Variants in XRCC5 observed in about 807,000 individuals in gnomAD.
The protein encoded by XRCC5 is X-ray repair cross complementing 5.
In XRCC5, 12 loss-of-function variants were observed where a neutral mutation model predicts 95.7. The ratio of observed to expected loss-of-function variants is 0.13; its 90% CI spans 0.08 to 0.20. The LOEUF (loss-of-function observed/expected upper bound fraction) is 0.20, where lower values mean the gene tolerates loss of function less well. Ranked by LOEUF, XRCC5 falls within the 10% of genes least tolerant of loss-of-function variation. The pLI is 1.00. For synonymous variants in XRCC5, 281 were observed against 290.3 expected, an observed-to-expected ratio of 0.97 and a Z score of 0.33; for missense variants, 595 against 873.9, an observed-to-expected ratio of 0.68 and a Z score of 4.02.
At chr2:216,171,269 T>C (rs976184796) in intron 16 of XRCC5, among the ~76,000 whole-genome samples, 11 of 152,214 alleles carry the variant, frequency 7.2e-5, no homozygotes, top group Non-Finnish European at 1.6e-4. Context: ...CAGAAAGAAG[T>C]GGCAAGTGTA....
chr2:216,176,258 A>G (rs1184982861), intron 16 of XRCC5, among the ~76,000 whole-genome samples: 1 of 152,134 alleles, frequency 6.6e-6, no homozygotes, highest in African/African-American at 2.4e-5. Flanking sequence ...AGCTGGGATG[A>G]CAGGCGCCCG....
At chr2:216,156,682 C>A in intron 14 of XRCC5, 1 of 543,886 alleles carries the variant, frequency 1.8e-6, no homozygotes. Flanking sequence ...TGCAATTATT[C>A]TACCACCTTC....
intron 13 of XRCC5, among the ~76,000 whole-genome samples, chr2:216,142,992 A>C (rs185142674): frequency 5.8e-4 from 89 of 152,314 alleles, no homozygotes; most frequent in Non-Finnish European, 1.2e-4. Context: ...TACTACACCT[A>C]ACCTACCAAT....
intron 2 of XRCC5, among the ~76,000 whole-genome samples, chr2:216,114,826 C>G (rs1448964112): frequency 2.0e-5 from 3 of 152,166 alleles, no homozygotes; most frequent in East Asian, 1.9e-4. Context: ...TCTGGGGGCG[C>G]TCGACCAATA....
chr2:216,131,259 T>C (rs1318473096), intron 9 of XRCC5: 12 of 985,340 alleles, frequency 1.2e-5, no homozygotes, highest in African/African-American at 1.7e-5. Flanking sequence ...GTATTTGAAT[T>C]ATGTGGGCCT....
chr2:216,180,503 G>T (rs3770501), intron 16 of XRCC5, among the ~76,000 whole-genome samples: 18,613 of 152,148 alleles, frequency 0.12, 1,316 homozygotes, highest in South Asian at 0.28. Flanking sequence ...GCTTGGGCCT[G>T]TAGTCCCAGC....
At position 216,121,384 on chromosome 2, in the gene XRCC5, A is replaced by T. The variant is rs188999378; in HGVS notation, c.492-678A>T. On this transcript the variant is annotated intron_variant, in intron 5 of 20. Coordinates refer to ENST00000392132, the MANE Select transcript of XRCC5 (RefSeq NM_021141.4). Reference sequence around the variant, plus strand: ...ACAAATTTATTTCTCACAGTTCTGGAGGCCGGGAAGTCCAAGATCACAGCA... The same window carrying T: ...ACAAATTTATTTCTCACAGTTCTGGTGGCCGGGAAGTCCAAGATCACAGCA... Among the ~76,000 whole-genome samples, 298 of 152,344 alleles carry T rather than the reference A, an allele frequency of 2.0e-3. 2 individuals are homozygous for T. Among genetic ancestry groups the T allele is most frequent in the Non-Finnish European group, 2.0e-3 (138 of 68,024 alleles).
intron 19 of XRCC5, among the ~76,000 whole-genome samples, chr2:216,197,601 T>G (rs1689752704): frequency 1.3e-5 from 2 of 152,196 alleles, no homozygotes; most frequent in South Asian, 4.1e-4. Context: ...GCATAGTGTT[T>G]CCATAGTCAA....
chr2:216,137,782 T>TA (rs1446416313), intron 11 of XRCC5, among the ~76,000 whole-genome samples: 1 of 152,234 alleles, frequency 6.6e-6, no homozygotes, highest in Non-Finnish European at 1.5e-5. Flanking sequence ...AGAAGGCACA[T>TA]ATCTTGACTT....
chr2:216,175,281 C>G lies in XRCC5; in HGVS notation c.1834+13233C>G, dbSNP rs1215470855. On this transcript the variant is annotated intron_variant, in intron 16 of 20. Transcript: ENST00000392132. ...CCATAACCACCTCTGCTGCCACCAC[C>G]TCTACTTCTACCACCAGAGCCTCCT... 54 of 439,202 alleles carry G rather than the reference C, an allele frequency of 1.2e-4. No homozygotes were observed. In the East Asian group the frequency reaches 2.5e-3, roughly 20 times the overall value. The allele number at this position is 439,202 out of a possible 1,614,324, so 27.2% of individuals were successfully genotyped here. A position where few individuals can be genotyped will look rare whatever the true frequency, so the allele number is the denominator to read the frequency against.
chr2:216,182,746 T>C (rs1689413381), intron 16 of XRCC5, among the ~76,000 whole-genome samples: 1 of 152,244 alleles, frequency 6.6e-6, no homozygotes, highest in African/African-American at 2.4e-5. Flanking sequence ...CGTTGTAGAA[T>C]TGGGGAAAAT....
At chr2:216,131,527 G>A (rs1380978072) in intron 9 of XRCC5, among the ~76,000 whole-genome samples, 1 of 152,110 alleles carries the variant, frequency 6.6e-6, no homozygotes, top group Non-Finnish European at 1.5e-5. Context: ...TATTAGTAGA[G>A]CTGTCTTGAC....
intron 14 of XRCC5, among the ~76,000 whole-genome samples, chr2:216,148,814 T>C: frequency 6.6e-6 from 1 of 152,210 alleles, no homozygotes; most frequent in East Asian, 1.9e-4. Context: ...GCAAAATGCT[T>C]TTCATATACA....
chr2:216,118,369 G>A (rs1251039048), intron 4 of XRCC5, among the ~76,000 whole-genome samples: 4 of 151,924 alleles, frequency 2.6e-5, no homozygotes, highest in Non-Finnish European at 2.9e-5. Context: ...TTGCAGAGAC[G>A]GTCTCACTAT....
At chr2:216,177,270 T>A (rs1245568424) in intron 16 of XRCC5, among the ~76,000 whole-genome samples, 1 of 152,256 alleles carries the variant, frequency 6.6e-6, no homozygotes, top group Non-Finnish European at 1.5e-5. Context: ...CGTGACGTTT[T>A]GAGTATTGAA....
chr2:216,156,663 A>G, intron 14 of XRCC5: 1 of 549,666 alleles, frequency 1.8e-6, no homozygotes. Flanking sequence ...CAAGAGCTTC[A>G]TAACTCACTG....
At chr2:216,164,946 A>G (rs1313895540) in intron 16 of XRCC5, among the ~76,000 whole-genome samples, 2 of 152,184 alleles carry the variant, frequency 1.3e-5, no homozygotes. Context: ...TTAGGAAAAT[A>G]TGTCTTACCC....
intron 8 of XRCC5, chr2:216,127,974 A>C (rs1696923124): frequency 6.0e-6 from 1 of 167,068 alleles, no homozygotes; most frequent in Non-Finnish European, 1.3e-5. Flanking sequence ...GAGCATGTTT[A>C]ATATGGTTGA....
chr2:216,109,582 GGC>G, intron 1 of XRCC5, 125 bp downstream of exon 1: 1 of 1,416,782 alleles, frequency 7.1e-7, no homozygotes, highest in Non-Finnish European at 9.7e-7. Flanking sequence ...CATGGTGGTG[GGC>G]TCAGTCAGGA....
Sources: allele counts gnomAD v4.1 joint callset (sites outside exome capture counted in the v4.1 genomes callset), GRCh38; gene constraint gnomAD v4.1.1; transcripts MANE v1.5; gene names NCBI Gene and HGNC (gene_info 2026-07-23, HGNC 2026-07-21).